Variants in CADM1 observed in about 807,000 individuals in gnomAD.
CADM1 encodes the protein cell adhesion molecule 1.
A neutral mutation model predicts 53.1 loss-of-function variants in CADM1; 15 were observed. That is an observed-to-expected ratio of 0.28 (90% confidence interval 0.19 to 0.44). The LOEUF is 0.44. Ranked by LOEUF, CADM1 falls within the 20% of genes least tolerant of loss-of-function variation. The pLI is 1.00. For missense variants in CADM1, 434 were observed against 611.3 expected, an observed-to-expected ratio of 0.71 and a Z score of 3.06; for synonymous variants, 281 against 243.0, an observed-to-expected ratio of 1.16 and a Z score of -1.45.
intron 1 of CADM1, among the ~76,000 whole-genome samples, chr11:115,473,093 C>A (rs1407396041): frequency 6.6e-6 from 1 of 152,212 alleles, no homozygotes; most frequent in Non-Finnish European, 1.5e-5. Context: ...CAATCATTTG[C>A]TAGCTGAATC....
chr11:115,206,383 G>A (rs938074231), intron 8 of CADM1, among the ~76,000 whole-genome samples: 4 of 152,114 alleles, frequency 2.6e-5, no homozygotes, highest in African/African-American at 4.8e-5. Context: ...GGCAGAAAAC[G>A]CCCTGTGCTC....
intron 1 of CADM1, among the ~76,000 whole-genome samples, chr11:115,389,072 C>G (rs757183165): frequency 2.0e-5 from 3 of 151,608 alleles, no homozygotes; most frequent in Non-Finnish European, 4.4e-5. Flanking sequence ...TGCAACTTAC[C>G]CTAGAATGGT....
intron 1 of CADM1, among the ~76,000 whole-genome samples, chr11:115,444,800 A>C (rs1016743029): frequency 1.4e-4 from 22 of 152,354 alleles, no homozygotes; most frequent in Admixed American, 1.1e-3. Context: ...CATGTTTAAA[A>C]GTCAGCTTAA....
chr11:115,218,019 G>A (rs1941259889), intron 5 of CADM1, 28 bp from the exon 6 acceptor site: 1 of 1,533,004 alleles, frequency 6.5e-7, no homozygotes, highest in African/African-American at 1.4e-5. Flanking sequence ...AAAGTATAAT[G>A]TTTAGCAAAT....
chr11:115,457,263 C>G (rs1948701151), intron 1 of CADM1, among the ~76,000 whole-genome samples: 1 of 152,172 alleles, frequency 6.6e-6, no homozygotes, highest in African/African-American at 2.4e-5. Flanking sequence ...TCTTTCCACT[C>G]TGCTGTTTTC....
At chr11:115,418,577 C>T (rs777759369) in intron 1 of CADM1, among the ~76,000 whole-genome samples, 19 of 152,274 alleles carry the variant, frequency 1.2e-4, no homozygotes, top group South Asian at 4.1e-4. Flanking sequence ...CTGCAAATTG[C>T]ATTCAGTGTA....
chr11:115,418,229 G>A (rs1272285025), intron 1 of CADM1, among the ~76,000 whole-genome samples: 8 of 151,970 alleles, frequency 5.3e-5, no homozygotes, highest in African/African-American at 9.7e-5. Flanking sequence ...TTGATAATCC[G>A]AAAAAGAAAA....
At chr11:115,342,789 C>G (rs539980229) in intron 1 of CADM1, among the ~76,000 whole-genome samples, 1 of 152,048 alleles carries the variant, frequency 6.6e-6, no homozygotes, top group Admixed American at 6.6e-5. Context: ...CACTAGATTA[C>G]AAAGTCAATA....
Position 115,175,570 on chromosome 11 carries a change from C to T in CADM1, c.*904G>A, listed in dbSNP as rs1938989909. On this transcript the variant is annotated 3_prime_UTR_variant, in exon 12 of 12. Coordinates refer to ENST00000331581, the MANE Select transcript of CADM1 (RefSeq NM_001301043.2). ...CCTGTGGCAACTCAAAATTTGTCCA[C>T]TTATATAAAAGGAACAGACCTCACC... The T allele has an allele frequency of 3.0e-6, 3 of 985,470 alleles. No individual in the cohort carries two copies. The South Asian group carries it at 1.4e-4, about 46-fold the overall frequency. 61.0% of individuals were successfully genotyped at this position (985,470 alleles called of 1,614,324 possible). A position where few individuals can be genotyped will look rare whatever the true frequency, so the allele number is the denominator to read the frequency against.
At position 115,243,431 on chromosome 11, in the gene CADM1, T is replaced by C. The variant is rs11215444; in HGVS notation, c.125-3011A>G. ...TGGTGGTGGCCCAAGGATGTCATTC[T>C]GTAAATATCACCAATAAATTATATG... On this transcript the variant is annotated intron_variant, in intron 1 of 11. Coordinates refer to ENST00000331581, the MANE Select transcript of CADM1 (RefSeq NM_001301043.2). Among the ~76,000 whole-genome samples, 341 of 152,350 alleles carry C rather than the reference T, an allele frequency of 2.2e-3. 3 individuals carry two copies. The highest frequency in any genetic ancestry group is 7.9e-3 in the African/African-American group (328 of 41,580).
At chr11:115,287,102 C>T (rs757000332) in intron 1 of CADM1, among the ~76,000 whole-genome samples, 3 of 152,136 alleles carry the variant, frequency 2.0e-5, no homozygotes, top group Non-Finnish European at 4.4e-5. Context: ...GATTTAGGGC[C>T]AAGCATCCAA....
intron 7 of CADM1, 32 bp downstream of exon 7, chr11:115,214,576 C>T (rs765468758): frequency 2.4e-5 from 38 of 1,595,462 alleles, no homozygotes; most frequent in Middle Eastern, 1.7e-4. Flanking sequence ...GTGACTGACT[C>T]TAGTAGAAGA....
At chr11:115,416,370 C>A (rs960654265) in intron 1 of CADM1, among the ~76,000 whole-genome samples, 1 of 151,892 alleles carries the variant, frequency 6.6e-6, no homozygotes, top group Non-Finnish European at 1.5e-5. Context: ...ATCACTAAAC[C>A]CTGATATGAA....
chr11:115,439,071 C>A (rs895305511), intron 1 of CADM1, among the ~76,000 whole-genome samples: 2 of 152,186 alleles, frequency 1.3e-5, no homozygotes, highest in Non-Finnish European at 2.9e-5. Flanking sequence ...CCACGCACAG[C>A]AGCTACAAAA....
Position 115,237,802 on chromosome 11 carries a change from C to A in CADM1, c.424+698G>T, listed in dbSNP as rs370350266. 2.4e-4 allele frequency among the ~76,000 whole-genome samples: 37 copies of A among 152,270 alleles called. No individual in the cohort carries two copies. In the South Asian group the frequency reaches 7.5e-3, roughly 31 times the overall value. On this transcript the variant is annotated intron_variant, in intron 3 of 11. Coordinates refer to ENST00000331581, the MANE Select transcript of CADM1 (RefSeq NM_001301043.2). ...ATCTGCTGACTATATTAAAATTGAA[C>A]ATGGAAACCTGGCTACTAGGATTTT...
In CADM1 at chr11:115,295,313, C is replaced by T. The variant is rs1400181818; in HGVS notation, c.125-54893G>A. Reference sequence around the variant, plus strand: ...TTCCTTCTGGCCTCTCTCTAAGTTACTTTCACTCCCTCATTTGTGATCACT... The same window carrying T: ...TTCCTTCTGGCCTCTCTCTAAGTTATTTTCACTCCCTCATTTGTGATCACT... On this transcript the variant is annotated intron_variant, in intron 1 of 11. Coordinates refer to ENST00000331581, the MANE Select transcript of CADM1 (RefSeq NM_001301043.2). 4.6e-5 allele frequency among the ~76,000 whole-genome samples: 7 copies of T among 151,292 alleles called. No individual in the cohort carries two copies. In the East Asian group the frequency reaches 1.2e-3, roughly 25 times the overall value.
intron 8 of CADM1, among the ~76,000 whole-genome samples, chr11:115,203,146 AT>A (rs71936114): frequency 8.4e-4 from 124 of 147,766 alleles, no homozygotes; most frequent in African/African-American, 1.3e-3. Flanking sequence ...ACGGGGGATG[AT>A]TTTTTTTTTT....
In CADM1 at chr11:115,240,311, A is replaced by G; in HGVS notation, c.234T>C (p.Asn78=). Residue 78 remains asparagine (N), a synonymous_variant, in exon 2 of 12, where the codon AAT becomes AAC. Coordinates refer to ENST00000331581, the MANE Select transcript of CADM1 (RefSeq NM_001301043.2). Reference sequence around the variant, plus strand: ...TGAAATAAATGGTCTGCCTGTTGGGATTCAGTAGCTGAATCACAGAGTCGT... The same window carrying G: ...TGAAATAAATGGTCTGCCTGTTGGGGTTCAGTAGCTGAATCACAGAGTCGT... ...KSDDSVIQLL[N]PNRQTIYFRD... is the part of the protein sequence containing the mutation. The G allele has an allele frequency of 6.2e-7, 1 of 1,613,844 alleles. No homozygotes were observed. Among genetic ancestry groups the G allele is most frequent in the South Asian group, 1.1e-5 (1 of 91,076 alleles).
At chr11:115,229,292 C>G (rs1941732187) in intron 4 of CADM1, 21 bp from the exon 5 acceptor site, 6 of 1,613,520 alleles carry the variant, frequency 3.7e-6, no homozygotes, top group Middle Eastern at 1.7e-4. Context: ...GAAAATGTAC[C>G]AAGACACCAG....
Sources: gnomAD v4.1 joint callset for allele counts (sites outside exome capture counted in the v4.1 genomes callset) on GRCh38, gnomAD v4.1.1 for gene constraint, MANE v1.5 for transcripts, NCBI Gene and HGNC (gene_info 2026-07-23, HGNC 2026-07-21) for gene names.